Variants in SMYD3 observed in about 807,000 individuals in gnomAD.
The protein encoded by SMYD3 is SET and MYND domain containing 3, also known as histone-lysine N-methyltransferase SMYD3.
A neutral mutation model predicts 57.7 loss-of-function variants in SMYD3; 36 were observed. The ratio of observed to expected loss-of-function variants is 0.62; its 90% CI spans 0.48 to 0.82. SMYD3 has a LOEUF of 0.82. Ranked by LOEUF, SMYD3 falls within the 40% of genes least tolerant of loss-of-function variation. The pLI is 0.00. For missense variants in SMYD3, 515 were observed against 538.8 expected (o/e 0.96, Z 0.44); for synonymous variants, 211 against 195.0 (o/e 1.08, Z -0.68).
chr1:246,468,855 AG>A (rs1188728802), intron 1 of SMYD3, among the ~76,000 whole-genome samples: 2 of 152,110 alleles, frequency 1.3e-5, no homozygotes, highest in Non-Finnish European at 2.9e-5. Context: ...ACATGCCTGG[AG>A]TCCTAGGTAC....
chr1:246,148,262 G>A (rs1462714103), intron 5 of SMYD3, among the ~76,000 whole-genome samples: 4 of 152,128 alleles, frequency 2.6e-5, no homozygotes, highest in East Asian at 1.9e-4. Flanking sequence ...GACAATGGGC[G>A]AACCAGCTAC....
chr1:245,855,642 TTGTA>T (rs2051202233), intron 10 of SMYD3, among the ~76,000 whole-genome samples: 1 of 152,210 alleles, frequency 6.6e-6, no homozygotes, highest in African/African-American at 2.4e-5. Context: ...ATACATTTTG[TTGTA>T]TGTGATTTCT....
chr1:246,485,610 C>A (rs990064878), intron 1 of SMYD3, among the ~76,000 whole-genome samples: 1 of 151,516 alleles, frequency 6.6e-6, no homozygotes, highest in African/African-American at 2.4e-5. Flanking sequence ...AGTGAGACCC[C>A]CCCCCACATC....
At position 246,469,979 on chromosome 1, in the gene SMYD3, T is replaced by G. The variant is rs1032172982; in HGVS notation, c.164+37075A>C. 5.3e-5 allele frequency among the ~76,000 whole-genome samples: 8 copies of G among 152,348 alleles called. No homozygotes were observed. In the East Asian group the frequency reaches 1.5e-3, roughly 29 times the overall value. On this transcript the variant is annotated intron_variant, in intron 1 of 11. Transcript: ENST00000490107. ...CCTCAGAACAACACAGTATCACACA[T>G]ACACTACATAAATACTGTCTTATGT...
chr1:246,285,605 C>CAAAATG (rs2064543830), intron 5 of SMYD3, among the ~76,000 whole-genome samples: 1 of 151,794 alleles, frequency 6.6e-6, no homozygotes, highest in South Asian at 2.1e-4. Context: ...TGACCAAGAA[C>CAAAATG]CCAAAAGCAA....
intron 4 of SMYD3, among the ~76,000 whole-genome samples, chr1:246,328,977 G>A (rs1049511209): frequency 1.3e-5 from 2 of 151,964 alleles, no homozygotes; most frequent in Non-Finnish European, 2.9e-5. Flanking sequence ...TACTGAGAAT[G>A]ATGATTTCCA....
rs561608739 is a variant in SMYD3 at position 246,307,795 on chromosome 1, G to A, written c.531+19406C>T. Among the ~76,000 whole-genome samples the A allele has an allele frequency of 3.3e-4, 51 of 152,270 alleles. 1 individual carries two copies. The highest frequency in any genetic ancestry group is 1.2e-3 in the African/African-American group (49 of 41,570). On this transcript the variant is annotated intron_variant, in intron 5 of 11. Transcript: ENST00000490107. ...AAGGGAAGTGAGGCTCACTAGAACAGCCCCAGGCATAAATTGCAGGGGAAA... is the reference window on the plus strand; with the variant it reads ...AAGGGAAGTGAGGCTCACTAGAACAACCCCAGGCATAAATTGCAGGGGAAA...
chr1:246,488,901 G>C (rs2068227980), intron 1 of SMYD3, among the ~76,000 whole-genome samples: 1 of 152,106 alleles, frequency 6.6e-6, no homozygotes, highest in Non-Finnish European at 1.5e-5. Context: ...GTCACCCAGG[G>C]AGCTTGGCAA....
intron 5 of SMYD3, among the ~76,000 whole-genome samples, chr1:246,051,758 T>C (rs764921960): frequency 2.6e-5 from 4 of 152,272 alleles, no homozygotes; most frequent in Non-Finnish European, 4.4e-5. Flanking sequence ...AAATAGTATA[T>C]AGGCTACTAA....
intron 5 of SMYD3, among the ~76,000 whole-genome samples, chr1:246,176,953 A>G (rs2062445365): frequency 6.6e-6 from 1 of 152,216 alleles, no homozygotes; most frequent in South Asian, 2.1e-4. Flanking sequence ...CCCAAACTAT[A>G]GACTTTAACC....
intron 5 of SMYD3, among the ~76,000 whole-genome samples, chr1:245,940,151 T>G (rs1433859650): frequency 6.6e-6 from 1 of 152,114 alleles, no homozygotes; most frequent in African/African-American, 2.4e-5. Context: ...GACACAGCAC[T>G]GGGGGGAGGG....
chr1:245,760,607 T>C (rs1238490166), intron 11 of SMYD3, among the ~76,000 whole-genome samples: 1 of 152,108 alleles, frequency 6.6e-6, no homozygotes, highest in Non-Finnish European at 1.5e-5. Flanking sequence ...AAAAATCCAT[T>C]CATTCAAGCA....
chr1:246,367,257 T>C (rs2066120862), intron 1 of SMYD3, among the ~76,000 whole-genome samples: 1 of 152,124 alleles, frequency 6.6e-6, no homozygotes, highest in Non-Finnish European at 1.5e-5. Flanking sequence ...GTAAGTATAT[T>C]TGCTAGACAT....
At chr1:246,380,531 T>C (rs1371915261) in intron 1 of SMYD3, among the ~76,000 whole-genome samples, 4 of 152,270 alleles carry the variant, frequency 2.6e-5, no homozygotes, top group African/African-American at 9.6e-5. Flanking sequence ...AAAGACCTTC[T>C]TCTGAATGCC....
intron 5 of SMYD3, chr1:246,096,445 G>GA (rs1458058561): frequency 6.6e-6 from 1 of 152,204 alleles, no homozygotes; most frequent in African/African-American, 2.4e-5. Context: ...TGAATAAACA[G>GA]AAAGACAAGA....
Position 246,459,918 on chromosome 1 carries a change from C to CAAA in SMYD3, c.164+47133_164+47135dup, listed in dbSNP as rs35958617. Among the ~76,000 whole-genome samples, 181 of 88,754 alleles carry CAAA rather than the reference C, an allele frequency of 2.0e-3. 3 individuals are homozygous for CAAA. Among genetic ancestry groups the CAAA allele is most frequent in the Non-Finnish European group, 2.7e-3 (123 of 46,088 alleles). The allele number at this position is 88,754 out of a possible 152,430, so 58.2% of individuals were successfully genotyped here. ...CTGCAGAGGAAACCATTCCGCCACCCAAAAAAAAAAAAAAAAAAAAAGCCA... is the reference window on the plus strand; with the variant it reads ...CTGCAGAGGAAACCATTCCGCCACCCAAAAAAAAAAAAAAAAAAAAAAAAGCCA... On this transcript the variant is annotated intron_variant, in intron 1 of 11. Transcript: ENST00000490107.
At chr1:246,486,887 A>G (rs771898428) in intron 1 of SMYD3, among the ~76,000 whole-genome samples, 2 of 152,230 alleles carry the variant, frequency 1.3e-5, no homozygotes, top group African/African-American at 4.8e-5. Context: ...AAGAAAGGAG[A>G]TAAGACTTAG....
intron 5 of SMYD3, among the ~76,000 whole-genome samples, chr1:246,277,476 C>CCACCAA (rs2064357293): frequency 6.6e-6 from 1 of 151,566 alleles, no homozygotes; most frequent in African/African-American, 2.4e-5. Context: ...ACCACCACCA[C>CCACCAA]CAACAACAAC....
At chr1:246,443,001 C>T (rs1163658514) in intron 1 of SMYD3, among the ~76,000 whole-genome samples, 1 of 152,176 alleles carries the variant, frequency 6.6e-6, no homozygotes, top group Non-Finnish European at 1.5e-5. Context: ...TTATGCTCTA[C>T]TGTATTTAAA....
Sources: gnomAD v4.1 joint callset for allele counts (sites outside exome capture counted in the v4.1 genomes callset) on GRCh38, gnomAD v4.1.1 for gene constraint, MANE v1.5 for transcripts, NCBI Gene and HGNC (gene_info 2026-07-23, HGNC 2026-07-21) for gene names.